The following TMLHE variants were observed in gnomAD, a reference collection of about 807,000 sequenced individuals.
TMLHE encodes the protein trimethyllysine hydroxylase, epsilon.
Under a neutral mutation model 25.7 loss-of-function variants are expected in TMLHE, and 18 were observed. That is an observed-to-expected ratio of 0.70 (90% CI 0.48 to 1.04). The LOEUF (loss-of-function observed/expected upper bound fraction) is 1.04. Ranked by LOEUF, TMLHE falls within the 50% of genes least tolerant of loss-of-function variation. The probability of loss-of-function intolerance (pLI) is 0.00; values close to 1 mark genes in which losing one functional copy is unlikely to be tolerated. For missense variants in TMLHE, 236 were observed against 259.0 expected, an observed-to-expected ratio of 0.91 and a Z score of 0.61; for synonymous variants, 105 against 97.0, an observed-to-expected ratio of 1.08 and a Z score of -0.49.
intron 1 of TMLHE, among the ~76,000 whole-genome samples, chrX:155,548,157 G>A (rs5940380): frequency 0.026 from 2,918 of 111,787 alleles, 54 homozygotes; most frequent in South Asian, 0.042. Context: ...AGAAAACATT[G>A]GGGAAACATA....
chrX:155,579,820 A>G (rs1341159684), intron 1 of TMLHE, among the ~76,000 whole-genome samples: 1 of 111,343 alleles, frequency 9.0e-6, no homozygotes, highest in Non-Finnish European at 1.9e-5. Flanking sequence ...ACATAAAAAA[A>G]TCAACTTAAG....
intron 5 of TMLHE, among the ~76,000 whole-genome samples, chrX:155,510,096 A>G (rs376124147): frequency 1.8e-5 from 2 of 111,420 alleles, no homozygotes; most frequent in Non-Finnish European, 3.8e-5. Context: ...AATGCAAGAA[A>G]TCTGTACAAA....
At chrX:155,521,990 C>T (rs1294321093) in intron 3 of TMLHE, among the ~76,000 whole-genome samples, 2 of 108,928 alleles carry the variant, frequency 1.8e-5, no homozygotes, top group Non-Finnish European at 3.8e-5. Flanking sequence ...TTCTGCGTCG[C>T]TCACGCTGGG....
intron 5 of TMLHE, among the ~76,000 whole-genome samples, chrX:155,509,001 G>A (rs978926310): frequency 9.0e-6 from 1 of 110,973 alleles, no homozygotes; most frequent in African/African-American, 3.3e-5. Context: ...AATAGGTATG[G>A]AAAGGCTGAA....
Position 155,511,319 on chromosome X carries a change from C to G in TMLHE, c.758+354G>C, listed in dbSNP as rs189349813. On this transcript the variant is annotated intron_variant, in intron 5 of 7. Coordinates refer to ENST00000334398, the MANE Select transcript of TMLHE (RefSeq NM_018196.4). The stretch of plus-strand genomic sequence containing the variant: ...GTTTTTGCCATGTGAACTGTTTGCT[C>G]CCCGCTCACCTTCCACCATGATTGG... Among the ~76,000 whole-genome samples, 276 of 110,523 alleles carry G rather than the reference C, an allele frequency of 2.5e-3. 2 individuals are homozygous for G. The highest frequency in any genetic ancestry group is 4.4e-3 in the Non-Finnish European group (231 of 52,791).
At chrX:155,572,866 C>G (rs1603075772) in intron 1 of TMLHE, among the ~76,000 whole-genome samples, 1 of 57,224 alleles carries the variant, frequency 1.7e-5, no homozygotes, top group South Asian at 1.0e-3. Context: ...AACGTTAGAC[C>G]TAAAACCATA....
At chrX:155,585,717 A>T (rs1476125248) in intron 1 of TMLHE, among the ~76,000 whole-genome samples, 1 of 111,511 alleles carries the variant, frequency 9.0e-6, no homozygotes, top group Non-Finnish European at 1.9e-5. Flanking sequence ...GACCAAATGG[A>T]CCTAACAGAT....
At chrX:155,541,153 T>C (rs1243591746) in intron 2 of TMLHE, among the ~76,000 whole-genome samples, 5 of 110,943 alleles carry the variant, frequency 4.5e-5, no homozygotes, top group Admixed American at 1.9e-4. Flanking sequence ...CCCATCAACC[T>C]GTCATCTACA....
At chrX:155,588,503 G>T (rs1355126535) in intron 1 of TMLHE, among the ~76,000 whole-genome samples, 2 of 111,408 alleles carry the variant, frequency 1.8e-5, no homozygotes, top group African/African-American at 6.5e-5. Context: ...TTAAACTAAA[G>T]AGCTTTTGTA....
At chrX:155,510,727 T>A (rs781992559) in intron 5 of TMLHE, among the ~76,000 whole-genome samples, 1 of 109,035 alleles carries the variant, frequency 9.2e-6, no homozygotes, top group Non-Finnish European at 1.9e-5. Flanking sequence ...CATGTGTCTT[T>A]ATAGCAGCAT....
At chrX:155,540,579 C>A (rs2067304670) in intron 2 of TMLHE, among the ~76,000 whole-genome samples, 1 of 111,372 alleles carries the variant, frequency 9.0e-6, no homozygotes, top group Non-Finnish European at 1.9e-5. Context: ...TAAATAGCAA[C>A]ACAAAACCAT....
chrX:155,504,938 A>C (rs1603009316), intron 6 of TMLHE, among the ~76,000 whole-genome samples: 1 of 111,445 alleles, frequency 9.0e-6, no homozygotes, highest in East Asian at 2.8e-4. Context: ...TATCTTGATA[A>C]GGGTTTGGGT....
At chrX:155,555,456 G>A (rs782055382) in intron 1 of TMLHE, among the ~76,000 whole-genome samples, 1 of 110,482 alleles carries the variant, frequency 9.1e-6, no homozygotes, top group Non-Finnish European at 1.9e-5. Flanking sequence ...TCACCACACT[G>A]TCTTCCACAA....
intron 1 of TMLHE, among the ~76,000 whole-genome samples, chrX:155,605,135 T>G (rs1167089522): frequency 1.4e-4 from 16 of 111,685 alleles, no homozygotes; most frequent in African/African-American, 5.2e-4. Flanking sequence ...CATGAGAAAG[T>G]TGAAACTGAA....
At chrX:155,547,205 C>CAT (rs2067352524) in intron 1 of TMLHE, among the ~76,000 whole-genome samples, 1 of 93,703 alleles carries the variant, frequency 1.1e-5, no homozygotes, top group Non-Finnish European at 2.2e-5. Context: ...AGTGCAGTGG[C>CAT]GCTATCTCGG....
At chrX:155,574,876 T>C (rs1335657287) in intron 1 of TMLHE, among the ~76,000 whole-genome samples, 4 of 111,294 alleles carry the variant, frequency 3.6e-5, no homozygotes, top group Admixed American at 2.9e-4. Context: ...ATCAACAAGC[T>C]TAAAGATAGA....
intron 1 of TMLHE, among the ~76,000 whole-genome samples, chrX:155,589,556 C>G (rs1378489062): frequency 8.9e-6 from 1 of 111,955 alleles, no homozygotes; most frequent in Non-Finnish European, 1.9e-5. Flanking sequence ...TGCATGTTCT[C>G]ACTAATTTAT....
intron 1 of TMLHE, among the ~76,000 whole-genome samples, chrX:155,557,226 G>C (rs1285517431): frequency 8.9e-6 from 1 of 112,279 alleles, no homozygotes; most frequent in African/African-American, 3.2e-5. Context: ...GAAGTGATAA[G>C]TGTCCATGAA....
intron 2 of TMLHE, among the ~76,000 whole-genome samples, chrX:155,529,843 G>GC (rs2067239797): frequency 8.9e-6 from 1 of 111,752 alleles, no homozygotes; most frequent in South Asian, 3.7e-4. Context: ...GCATAACCTG[G>GC]TTAGTTTGAT....
Sources: allele counts gnomAD v4.1 joint callset (sites outside exome capture counted in the v4.1 genomes callset), GRCh38; gene constraint gnomAD v4.1.1; transcripts MANE v1.5; gene names NCBI Gene and HGNC (gene_info 2026-07-23, HGNC 2026-07-21).